NOTCH2NLC: variants seen among roughly 807,000 people sequenced by gnomAD.
NOTCH2NLC encodes the protein notch homolog 2 N-terminal-like protein C.
NOTCH2NLC carries 4 observed loss-of-function variants against 17.7 expected under a neutral mutation model. The observed-to-expected ratio is 0.23, with a 90% CI of 0.11 to 0.52. The LOEUF (loss-of-function observed/expected upper bound fraction) is 0.52. Among genes scored for constraint, NOTCH2NLC ranks in the 20% least tolerant of loss-of-function variants. The pLI is 0.96. For synonymous variants in NOTCH2NLC, 18 were observed against 86.0 expected, an observed-to-expected ratio of 0.21 and a Z score of 4.38; for missense variants, 57 against 207.2, an observed-to-expected ratio of 0.28 and a Z score of 4.45.
chr1:149,419,866 T>A (rs1285001835), intron 1 of NOTCH2NLC, among the ~76,000 whole-genome samples: 3 of 123,396 alleles, frequency 2.4e-5, no homozygotes, highest in African/African-American at 6.1e-5. Context: ...TTTTTTTTTT[T>A]TTTTTTTTTT....
intron 1 of NOTCH2NLC, among the ~76,000 whole-genome samples, chr1:149,399,333 G>A (rs1308526306): frequency 6.9e-6 from 1 of 144,766 alleles, no homozygotes; most frequent in East Asian, 2.0e-4. Flanking sequence ...TGTTCTATTG[G>A]TATACCTAAC....
chr1:149,419,263 A>ATT, intron 1 of NOTCH2NLC, among the ~76,000 whole-genome samples: 1 of 150,282 alleles, frequency 6.7e-6, no homozygotes, highest in South Asian at 2.1e-4. Flanking sequence ...AAATCTTTTG[A>ATT]CCTCTCTAGA....
chr1:149,395,926 GC>G, intron 1 of NOTCH2NLC, among the ~76,000 whole-genome samples: 1 of 149,376 alleles, frequency 6.7e-6, no homozygotes, highest in East Asian at 2.0e-4. Flanking sequence ...AGTTGTCTCT[GC>G]CACATGATTT....
chr1:149,462,105 C>T lies in NOTCH2NLC; in HGVS notation c.470-1386C>T, dbSNP rs1178301373. ...ATGTAACAAACCTGCATGTTGTGCACGTGTACCCTAGAACTTAAAGTATAA... is the reference window on the plus strand; with the variant it reads ...ATGTAACAAACCTGCATGTTGTGCATGTGTACCCTAGAACTTAAAGTATAA... On this transcript the variant is annotated intron_variant, in intron 3 of 4. Transcript: ENST00000650865. Among the ~76,000 whole-genome samples the T allele has an allele frequency of 3.5e-5, 5 of 144,028 alleles. No individual in the cohort carries two copies. In the East Asian group the frequency reaches 8.3e-4, roughly 24 times the overall value. 94.5% of individuals were successfully genotyped at this position (144,028 alleles called of 152,430 possible). A position where few individuals can be genotyped will look rare whatever the true frequency, so the allele number is the denominator to read the frequency against.
intron 1 of NOTCH2NLC, among the ~76,000 whole-genome samples, chr1:149,401,970 T>C (rs1292154408): frequency 2.2e-5 from 3 of 135,896 alleles, no homozygotes; most frequent in Admixed American, 7.4e-5. Flanking sequence ...TCTCCTTTAA[T>C]CCTCACAAAC....
At chr1:149,461,521 A>G (rs2084649887) in intron 3 of NOTCH2NLC, among the ~76,000 whole-genome samples, 2 of 148,958 alleles carry the variant, frequency 1.3e-5, no homozygotes, top group Admixed American at 6.7e-5. Context: ...TTATAGAAAA[A>G]CTCTTGTGTC....
chr1:149,466,494 G>A lies in NOTCH2NLC; in HGVS notation c.*2341G>A, dbSNP rs2084684973. 1 of 149,808 alleles carries A rather than the reference G, an allele frequency of 6.7e-6. No homozygotes were observed. The highest frequency in any genetic ancestry group is 1.5e-5 in the Non-Finnish European group (1 of 67,174). The allele number at this position is 149,808 out of a possible 1,614,324, so 9.3% of individuals were successfully genotyped here. On this transcript the variant is annotated 3_prime_UTR_variant, in exon 5 of 5. Transcript: ENST00000650865. The stretch of plus-strand genomic sequence containing the variant: ...AAGATTTCATGCTCATTGTTCGTAT[G>A]TCCCAGGTGGAGTTCAGAAAATATT...
At chr1:149,417,097 CTTTTT>C (rs1171555647) in intron 1 of NOTCH2NLC, among the ~76,000 whole-genome samples, 2 of 69,588 alleles carry the variant, frequency 2.9e-5, no homozygotes, top group Non-Finnish European at 5.7e-5. Flanking sequence ...TCAGGTTTTC[CTTTTT>C]TTTTTTTTTT....
At chr1:149,432,528 A>T (rs1284997066) in intron 2 of NOTCH2NLC, among the ~76,000 whole-genome samples, 3 of 151,012 alleles carry the variant, frequency 2.0e-5, no homozygotes, top group African/African-American at 7.3e-5. Flanking sequence ...ATAATAAGGG[A>T]GGGAACTTAA....
chr1:149,410,387 CTTG>C (rs2084292398), intron 1 of NOTCH2NLC, among the ~76,000 whole-genome samples: 1 of 148,782 alleles, frequency 6.7e-6, no homozygotes, highest in African/African-American at 2.5e-5. Context: ...TTTTCTAAAT[CTTG>C]TTGTGTTTGA....
rs1553702689 is a variant in NOTCH2NLC at position 149,390,826 on chromosome 1, C to CGGCGGCGGCGGCGGCGGAGGA, written c.44_45insCGGCGGCGGCGGAGGAGGCGG (p.Gly12_Gly18dup). On this transcript the variant is annotated inframe_insertion, in exon 1 of 5. Coordinates refer to ENST00000650865, the MANE Select transcript of NOTCH2NLC (RefSeq NM_001364013.2). ...CAGGCGGCGGCGGCGGCGGCGGCGG[C>CGGCGGCGGCGGCGGCGGAGGA]GGCGGAGGAGGCGGCGACCGAGAAG... The CGGCGGCGGCGGCGGCGGAGGA allele has an allele frequency of 7.5e-7, 1 of 1,329,176 alleles. No homozygotes were observed. Among genetic ancestry groups the CGGCGGCGGCGGCGGCGGAGGA allele is most frequent in the African/African-American group, 1.6e-5 (1 of 62,942 alleles). 82.3% of individuals were successfully genotyped at this position (1,329,176 alleles called of 1,614,324 possible).
At chr1:149,443,607 CT>C (rs1408256519) in intron 2 of NOTCH2NLC, among the ~76,000 whole-genome samples, 1 of 151,028 alleles carries the variant, frequency 6.6e-6, no homozygotes, top group Admixed American at 6.6e-5. Flanking sequence ...AATTTTAGGG[CT>C]TAGCCATGAG....
intron 2 of NOTCH2NLC, among the ~76,000 whole-genome samples, chr1:149,448,890 T>C (rs1383175568): frequency 6.9e-6 from 1 of 145,878 alleles, no homozygotes; most frequent in Non-Finnish European, 1.5e-5. Flanking sequence ...GAATTTTTTT[T>C]TTTTTTTTTG....
At chr1:149,449,469 G>GC (rs1329633799) in intron 2 of NOTCH2NLC, among the ~76,000 whole-genome samples, 2 of 147,706 alleles carry the variant, frequency 1.4e-5, no homozygotes, top group African/African-American at 5.0e-5. Context: ...TGAGGAATAC[G>GC]CCAAACCATT....
At chr1:149,413,424 A>G (rs2084310851) in intron 1 of NOTCH2NLC, among the ~76,000 whole-genome samples, 2 of 151,210 alleles carry the variant, frequency 1.3e-5, no homozygotes, top group Non-Finnish European at 3.0e-5. Flanking sequence ...TGGATCCCCC[A>G]AAGTCTGCAG....
chr1:149,398,131 A>G lies in NOTCH2NLC; in HGVS notation c.135+7209A>G, dbSNP rs1309190320. On this transcript the variant is annotated intron_variant, in intron 1 of 4. Transcript: ENST00000650865. Reference sequence around the variant, plus strand: ...TTGGGAGTAAACTTCAGGTCTTAATACCACCAGGGAAAGGCGACCTCCAGC... The same window carrying G: ...TTGGGAGTAAACTTCAGGTCTTAATGCCACCAGGGAAAGGCGACCTCCAGC... 7.1e-3 allele frequency among the ~76,000 whole-genome samples: 1,073 copies of G among 151,182 alleles called. 32 individuals are homozygous for G. Among genetic ancestry groups the G allele is most frequent in the Non-Finnish European group, 0.011 (759 of 67,564 alleles).
rs1469237488 is a variant in NOTCH2NLC, at chr1:149,400,132, AAT to A, written c.135+9217_135+9218del. Among the ~76,000 whole-genome samples, 99 of 125,044 alleles carry A rather than the reference AAT, an allele frequency of 7.9e-4. 2 individuals are homozygous for A. The highest frequency in any genetic ancestry group is 8.3e-3 in the Middle Eastern group (2 of 240). 82.0% of individuals were successfully genotyped at this position (125,044 alleles called of 152,430 possible). On this transcript the variant is annotated intron_variant, in intron 1 of 4. Coordinates refer to ENST00000650865, the MANE Select transcript of NOTCH2NLC (RefSeq NM_001364013.2). Reference sequence around the variant, plus strand: ...TTTATTTATATATATATATATATATAATATATATTTTTTTTTTAGTTTATGAA... The same window carrying A: ...TTTATTTATATATATATATATATATAATATATTTTTTTTTTAGTTTATGAA...
At position 149,390,775 on chromosome 1, in the gene NOTCH2NLC, G is replaced by A; in HGVS notation, c.-13G>A. 1 of 1,122,334 alleles carries A rather than the reference G, an allele frequency of 8.9e-7. No individual in the cohort carries two copies. The highest frequency in any genetic ancestry group is 1.1e-6 in the Non-Finnish European group (1 of 903,468). 69.5% of individuals were successfully genotyped at this position (1,122,334 alleles called of 1,614,324 possible). On this transcript the variant is annotated 5_prime_UTR_variant, in exon 1 of 5. Transcript: ENST00000650865. ...AGGAGAGAGTGGGGCTCCTCTATCG[G>A]GACCCCCTCCCCATGTGGATCTGCC...
chr1:149,409,328 A>ATGTG lies in NOTCH2NLC; in HGVS notation c.135+18426_135+18429dup, dbSNP rs1196474216. ...GATTTAACTCTGTGTGTGTGTGTGC[A>ATGTG]TGTGTGTGTGTGTGTGTGTGTGTTG... On this transcript the variant is annotated intron_variant, in intron 1 of 4. Transcript: ENST00000650865. Among the ~76,000 whole-genome samples, 511 of 143,736 alleles carry ATGTG rather than the reference A, an allele frequency of 3.6e-3. 11 individuals are homozygous for ATGTG. The highest frequency in any genetic ancestry group is 9.2e-3 in the African/African-American group (348 of 37,882). 94.3% of individuals were successfully genotyped at this position (143,736 alleles called of 152,430 possible).
Sources: gnomAD v4.1 joint callset for allele counts (sites outside exome capture counted in the v4.1 genomes callset) on GRCh38, gnomAD v4.1.1 for gene constraint, MANE v1.5 for transcripts, NCBI Gene and HGNC (gene_info 2026-07-23, HGNC 2026-07-21) for gene names.